Variants in GRM7 observed in about 807,000 individuals in gnomAD.
The protein encoded by GRM7 is glutamate metabotropic receptor 7, also known as metabotropic glutamate receptor 7.
In GRM7, 35 loss-of-function variants were observed where a neutral mutation model predicts 84.5. That is an observed-to-expected ratio of 0.41 (90% CI 0.32 to 0.55). The LOEUF (loss-of-function observed/expected upper bound fraction) is 0.55, where lower values mean the gene tolerates loss of function less well. Ranked by LOEUF, GRM7 falls within the 20% of genes least tolerant of loss-of-function variation. The probability of loss-of-function intolerance (pLI) is 0.19; values close to 1 mark genes in which losing one functional copy is unlikely to be tolerated. For synonymous variants in GRM7, 487 were observed against 455.1 expected, an observed-to-expected ratio of 1.07 and a Z score of -0.89; for missense variants, 1,003 against 1,194.6, an observed-to-expected ratio of 0.84 and a Z score of 2.36.
At chr3:7,187,354 C>A (rs77186930) in intron 2 of GRM7, among the ~76,000 whole-genome samples, 1 of 152,224 alleles carries the variant, frequency 6.6e-6, no homozygotes, top group African/African-American at 2.4e-5. Context: ...CACATGTAAC[C>A]TTATATTATC....
At chr3:6,957,779 G>T (rs1017132524) in intron 1 of GRM7, among the ~76,000 whole-genome samples, 1 of 152,090 alleles carries the variant, frequency 6.6e-6, no homozygotes, top group African/African-American at 2.4e-5. Flanking sequence ...GTAATAAGTG[G>T]TGAGAAAACA....
At chr3:7,054,676 A>G (rs1209543732) in intron 1 of GRM7, among the ~76,000 whole-genome samples, 1 of 151,898 alleles carries the variant, frequency 6.6e-6, no homozygotes, top group East Asian at 1.9e-4. Context: ...ACTTTTCTGC[A>G]TATATGGAAT....
intron 2 of GRM7, among the ~76,000 whole-genome samples, chr3:7,168,134 C>A (rs866285294): frequency 6.6e-6 from 1 of 152,200 alleles, no homozygotes; most frequent in African/African-American, 2.4e-5. Context: ...AGAGCTTCCT[C>A]TCACATTCCA....
intron 2 of GRM7, among the ~76,000 whole-genome samples, chr3:7,173,767 T>C (rs936710970): frequency 6.6e-6 from 1 of 152,172 alleles, no homozygotes; most frequent in African/African-American, 2.4e-5. Flanking sequence ...TTGGCTCAGA[T>C]TTCACTACTT....
intron 2 of GRM7, among the ~76,000 whole-genome samples, chr3:7,195,556 T>A (rs1347993419): frequency 2.0e-5 from 3 of 152,202 alleles, no homozygotes; most frequent in Non-Finnish European, 4.4e-5. Context: ...GTTGGTATGC[T>A]GGGAGCCATG....
chr3:6,962,238 C>G (rs1693330239), intron 1 of GRM7, among the ~76,000 whole-genome samples: 1 of 152,300 alleles, frequency 6.6e-6, no homozygotes, highest in East Asian at 1.9e-4. Flanking sequence ...CCCGCACTTG[C>G]ATAGCCTTGC....
chr3:7,589,968 A>C (rs963761317), intron 8 of GRM7, among the ~76,000 whole-genome samples: 1 of 152,324 alleles, frequency 6.6e-6, no homozygotes, highest in South Asian at 2.1e-4. Context: ...TCTAAAAAAA[A>C]CCTGACTAGT....
At chr3:7,724,163 G>A (rs1156747123) in intron 9 of GRM7, among the ~76,000 whole-genome samples, 1 of 151,956 alleles carries the variant, frequency 6.6e-6, no homozygotes, top group East Asian at 1.9e-4. Context: ...CCTGTAATAC[G>A]GAACCATGCC....
intron 4 of GRM7, among the ~76,000 whole-genome samples, chr3:7,351,339 G>GAA (rs768248079): frequency 0.024 from 1,085 of 45,714 alleles, 111 homozygotes; most frequent in South Asian, 0.029. Context: ...TCCCACAGGC[G>GAA]AAAAAAAAAA....
chr3:7,211,472 TAGCCTGAAA>T (rs1286195898), intron 2 of GRM7, among the ~76,000 whole-genome samples: 1 of 152,152 alleles, frequency 6.6e-6, no homozygotes, highest in African/African-American at 2.4e-5. Flanking sequence ...GGGAGTGTTG[TAGCCTGAAA>T]CCCTACCTGG....
At chr3:6,875,247 A>G (rs1464619088) in intron 1 of GRM7, among the ~76,000 whole-genome samples, 3 of 150,624 alleles carry the variant, frequency 2.0e-5, no homozygotes, top group Non-Finnish European at 4.4e-5. Flanking sequence ...AGATTATTTC[A>G]TATTACCTTA....
At chr3:7,277,303 C>CT (rs563355736) in intron 2 of GRM7, among the ~76,000 whole-genome samples, 23 of 150,806 alleles carry the variant, frequency 1.5e-4, no homozygotes, top group South Asian at 6.3e-4. Flanking sequence ...ATTAATAATG[C>CT]TTTTTTTTTA....
chr3:7,494,592 T>C (rs1252247173), intron 7 of GRM7, among the ~76,000 whole-genome samples: 2 of 152,168 alleles, frequency 1.3e-5, no homozygotes, highest in Admixed American at 1.3e-4. Context: ...ATAATACAAA[T>C]ATTGAATCTT....
intron 2 of GRM7, among the ~76,000 whole-genome samples, chr3:7,272,071 A>T (rs755042834): frequency 6.6e-6 from 1 of 152,148 alleles, no homozygotes; most frequent in Non-Finnish European, 1.5e-5. Context: ...CGTGGTTAAG[A>T]TACAATTATA....
chr3:6,991,109 C>G (rs1190848991), intron 1 of GRM7, among the ~76,000 whole-genome samples: 1 of 152,136 alleles, frequency 6.6e-6, no homozygotes, highest in East Asian at 1.9e-4. Context: ...CACACACACA[C>G]GGATGCCCTC....
intron 4 of GRM7, among the ~76,000 whole-genome samples, chr3:7,321,375 A>T (rs1363152889): frequency 6.6e-6 from 1 of 152,180 alleles, no homozygotes; most frequent in East Asian, 1.9e-4. Flanking sequence ...GCAGAGTTCA[A>T]TTATTTGATG....
chr3:7,479,657 T>TAGGTCGCTCTCAGAGCTCACTTATG (rs1699053732), intron 7 of GRM7, among the ~76,000 whole-genome samples: 1 of 152,204 alleles, frequency 6.6e-6, no homozygotes, highest in Admixed American at 6.5e-5. Flanking sequence ...GCTTACTTAT[T>TAGGTCGCTCTCAGAGCTCACTTATG]AGGTCGCTCT....
At chr3:7,647,565 T>C (rs183237374) in intron 8 of GRM7, among the ~76,000 whole-genome samples, 1 of 151,802 alleles carries the variant, frequency 6.6e-6, no homozygotes, top group African/African-American at 2.4e-5. Flanking sequence ...CAATGGGGAG[T>C]TGGAAGTATG....
intron 1 of GRM7, among the ~76,000 whole-genome samples, chr3:6,907,377 A>G (rs1696620062): frequency 6.6e-6 from 1 of 152,192 alleles, no homozygotes. Flanking sequence ...TACCGTGGAG[A>G]CGTGATCATT....
Sources: gnomAD v4.1 joint callset for allele counts (sites outside exome capture counted in the v4.1 genomes callset) on GRCh38, gnomAD v4.1.1 for gene constraint, MANE v1.5 for transcripts, NCBI Gene and HGNC (gene_info 2026-07-23, HGNC 2026-07-21) for gene names.